Variants in MEI1 observed in about 807,000 individuals in gnomAD.
MEI1 encodes meiotic double-stranded break formation protein 1, also known as meiosis inhibitor protein 1.
Under a neutral mutation model 146.2 loss-of-function variants are expected in MEI1, and 103 were observed. That is an observed-to-expected ratio of 0.70 (90% CI 0.60 to 0.83). MEI1 has a LOEUF of 0.83. Among genes scored for constraint, MEI1 ranks in the 40% least tolerant of loss-of-function variants. MEI1 has a pLI of 0.00. For missense variants in MEI1, 1,529 were observed against 1,533.0 expected (o/e 1.00, Z 0.04); for synonymous variants, 652 against 628.2 (o/e 1.04, Z -0.57).
At chr22:41,742,469 G>A (rs745786403) in intron 11 of MEI1, among the ~76,000 whole-genome samples, 2 of 152,182 alleles carry the variant, frequency 1.3e-5, no homozygotes, top group Non-Finnish European at 2.9e-5. Context: ...AATAGACACA[G>A]CTGACATTTA....
chr22:41,736,816 G>T (rs115049966), intron 11 of MEI1, among the ~76,000 whole-genome samples: 112 of 152,224 alleles, frequency 7.4e-4, no homozygotes, highest in African/African-American at 2.6e-3. Context: ...ATAGGTTCCT[G>T]GGATTAGGAC....
intron 14 of MEI1, among the ~76,000 whole-genome samples, chr22:41,747,746 A>G (rs1325377000): frequency 1.3e-5 from 2 of 149,748 alleles, no homozygotes; most frequent in Non-Finnish European, 3.0e-5. Context: ...CAAAAAAAAC[A>G]AATATGAAGG....
chr22:41,780,576 C>CTTTTTTTT (rs150215660), intron 22 of MEI1, among the ~76,000 whole-genome samples: 2 of 121,538 alleles, frequency 1.6e-5, no homozygotes, highest in African/African-American at 2.9e-5. Context: ...GAATTTTTTT[C>CTTTTTTTT]TTTTCTTTTT....
intron 11 of MEI1, among the ~76,000 whole-genome samples, chr22:41,741,115 A>T (rs1306981194): frequency 1.3e-5 from 2 of 152,068 alleles, no homozygotes; most frequent in Non-Finnish European, 2.9e-5. Flanking sequence ...TTCATATCAT[A>T]ATGTTTTAAG....
chr22:41,705,612 C>A, intron 3 of MEI1, 58 bp downstream of exon 3: 1 of 1,485,630 alleles, frequency 6.7e-7, no homozygotes, highest in Non-Finnish European at 9.4e-7. Context: ...TGAATTGCAG[C>A]TCTGGTTACT....
chr22:41,700,725 G>C (rs2068639768), intron 1 of MEI1, among the ~76,000 whole-genome samples: 2 of 150,514 alleles, frequency 1.3e-5, no homozygotes, highest in African/African-American at 4.9e-5. Context: ...TGAGTGGGTG[G>C]ATTGGCTAGA....
intron 3 of MEI1, among the ~76,000 whole-genome samples, chr22:41,712,000 G>A (rs1026179112): frequency 7.9e-5 from 12 of 151,336 alleles, no homozygotes; most frequent in African/African-American, 2.7e-4. Flanking sequence ...TTAGGAGTTC[G>A]AGACCAGCCT....
At chr22:41,735,416 T>C (rs1165331883) in intron 11 of MEI1, among the ~76,000 whole-genome samples, 1 of 152,110 alleles carries the variant, frequency 6.6e-6, no homozygotes, top group African/African-American at 2.4e-5. Flanking sequence ...GTATTTTTAG[T>C]AGAGACGGGG....
chr22:41,780,660 A>G (rs781305524), intron 22 of MEI1, among the ~76,000 whole-genome samples: 2 of 147,380 alleles, frequency 1.4e-5, no homozygotes, highest in African/African-American at 2.5e-5. Flanking sequence ...TGCTCACTGC[A>G]GCCTCTACCT....
chr22:41,745,147 C>G, intron 13 of MEI1, 83 bp downstream of exon 13: 1 of 973,090 alleles, frequency 1.0e-6, no homozygotes, highest in Non-Finnish European at 1.5e-6. Context: ...GTTCTAGAGG[C>G]AACACTTGAT....
intron 11 of MEI1, among the ~76,000 whole-genome samples, chr22:41,741,660 C>G (rs1048539523): frequency 1.3e-5 from 2 of 152,252 alleles, no homozygotes. Flanking sequence ...CCCAATACTT[C>G]TATAGACTTT....
At chr22:41,753,247 C>A (rs1218085180) in intron 16 of MEI1, among the ~76,000 whole-genome samples, 1 of 152,048 alleles carries the variant, frequency 6.6e-6, no homozygotes, top group East Asian at 1.9e-4. Flanking sequence ...GGTGATCCGC[C>A]CGCCTTGGCC....
At position 41,752,611 on chromosome 22, in the gene MEI1, C is replaced by A. The variant is rs1228517107; in HGVS notation, c.1813C>A (p.Leu605Met). 6.3e-7 allele frequency: 1 copy of A among 1,599,946 alleles called. No individual in the cohort carries two copies. The highest frequency in any genetic ancestry group is 1.1e-5 in the South Asian group (1 of 87,892). ...TGAAGCTTCCTCATCCTTCATACGA[C>A]TGACCCTGGAGCTGAAGGCCAGGTT... ...KKLASSSFIR[L>M]TLELKARFCS... Residue 605 changes from leucine (L) to methionine (M), a missense_variant, in exon 16 of 31, where the codon CTG becomes ATG. Coordinates refer to ENST00000401548, the MANE Select transcript of MEI1 (RefSeq NM_152513.4).
intron 26 of MEI1, among the ~76,000 whole-genome samples, chr22:41,793,334 T>C (rs116969322): frequency 6.7e-6 from 1 of 149,998 alleles, no homozygotes; most frequent in Non-Finnish European, 1.5e-5. Flanking sequence ...GGAGTTTCGC[T>C]CTGTCGCTCA....
rs759557828 is a variant in MEI1 at position 41,748,163 on chromosome 22, A to G, written c.1737A>G (p.Leu579=). ...PALMEVFLSI[L]HNLFVIVPHM... ...TGATGGAAGTTTTCCTCTCAATTCT[A>G]CATAACCTCTTTGTCATCGTTCCCC... is the stretch of plus-strand genomic sequence containing the variant. The change falls in exon 15 of 31, where the codon CTA becomes CTG. Residue 579 remains leucine (L), a synonymous_variant. Coordinates refer to ENST00000401548, the MANE Select transcript of MEI1 (RefSeq NM_152513.4). 8.1e-6 allele frequency: 13 copies of G among 1,613,894 alleles called. No individual in the cohort carries two copies. Among genetic ancestry groups the G allele is most frequent in the South Asian group, 2.2e-5 (2 of 91,088 alleles).
At chr22:41,765,172 C>T (rs1200629563) in intron 19 of MEI1, among the ~76,000 whole-genome samples, 1 of 152,156 alleles carries the variant, frequency 6.6e-6, no homozygotes, top group Non-Finnish European at 1.5e-5. Flanking sequence ...TGTGCCACCA[C>T]GCCCAGCTAA....
rs1286829598 is a variant in MEI1, at chr22:41,743,146, A to G, written c.1398A>G (p.Leu466=). The change falls in exon 12 of 31, where the codon CTA becomes CTG. Residue 466 remains leucine (L), a synonymous_variant. Coordinates refer to ENST00000401548, the MANE Select transcript of MEI1 (RefSeq NM_152513.4). ...TGCAGGCTTTGCTAGAAGCCATGCT[A>G]AACCGATGTGCGGAGTTTTCCCAGA... ...GELQALLEAM[L]NRCAEFSQTL... 3 of 1,613,226 alleles carry G rather than the reference A, an allele frequency of 1.9e-6. No homozygotes were observed. The highest frequency in any genetic ancestry group is 2.5e-6 in the Non-Finnish European group (3 of 1,179,804).
chr22:41,798,653 G>A (rs1391983371), intron 30 of MEI1, among the ~76,000 whole-genome samples: 1 of 151,688 alleles, frequency 6.6e-6, no homozygotes, highest in Non-Finnish European at 1.5e-5. Flanking sequence ...GATCACTTGA[G>A]GTCAGGAGTT....
intron 3 of MEI1, among the ~76,000 whole-genome samples, chr22:41,708,543 G>T (rs2069279374): frequency 1.3e-5 from 2 of 152,170 alleles, no homozygotes; most frequent in African/African-American, 4.8e-5. Flanking sequence ...GTCTTCAGTG[G>T]ATACCAAAAA....
Sources: gnomAD v4.1 joint callset for allele counts (sites outside exome capture counted in the v4.1 genomes callset) on GRCh38, gnomAD v4.1.1 for gene constraint, MANE v1.5 for transcripts, NCBI Gene and HGNC (gene_info 2026-07-23, HGNC 2026-07-21) for gene names.